The following HS6ST1 variants were observed in gnomAD, a reference collection of about 807,000 sequenced individuals.
The protein encoded by HS6ST1 is heparan sulfate 6-O-sulfotransferase 1.
Under a neutral mutation model 25.2 loss-of-function variants are expected in HS6ST1, and 3 were observed. The observed-to-expected ratio is 0.12, with a 90% CI of 0.05 to 0.31. HS6ST1 has a LOEUF of 0.31. Among genes scored for constraint, HS6ST1 ranks in the 10% least tolerant of loss-of-function variants. The probability of loss-of-function intolerance (pLI) is 1.00; values close to 1 mark genes in which losing one functional copy is unlikely to be tolerated. For missense variants in HS6ST1, 310 were observed against 609.6 expected (o/e 0.51, Z 5.18); for synonymous variants, 204 against 275.1 (o/e 0.74, Z 2.56).
At chr2:128,272,041 C>A (rs1573689024) in intron 1 of HS6ST1, among the ~76,000 whole-genome samples, 2 of 152,212 alleles carry the variant, frequency 1.3e-5, no homozygotes, top group Non-Finnish European at 2.9e-5. Context: ...AAGGCAGGAG[C>A]CTGGTGGTGA....
rs1319567902 is a variant in HS6ST1 at position 128,266,816 on chromosome 2, G to T, written c.*1346C>A. 1 of 152,276 alleles carries T rather than the reference G, an allele frequency of 6.6e-6. No individual in the cohort carries two copies. Among genetic ancestry groups the T allele is most frequent in the African/African-American group, 2.4e-5 (1 of 41,418 alleles). The allele number at this position is 152,276 out of a possible 1,614,324, so 9.4% of individuals were successfully genotyped here. ...TGGCCTCCTAGGGCATAAGGAATGG[G>T]GACAGGGCACAGGGCACGTGCTTAC... On this transcript the variant is annotated 3_prime_UTR_variant, in exon 2 of 2. Transcript: ENST00000259241.
chr2:128,267,140 G>A lies in HS6ST1; in HGVS notation c.*1022C>T, dbSNP rs1002468507. On this transcript the variant is annotated 3_prime_UTR_variant, in exon 2 of 2. Coordinates refer to ENST00000259241, the MANE Select transcript of HS6ST1 (RefSeq NM_004807.3). Reference sequence around the variant, plus strand: ...CTATGGTCCCATGCTCCAGCCGATGGAAGCCTGATGAACTTAATCCGTACG... The same window carrying A: ...CTATGGTCCCATGCTCCAGCCGATGAAAGCCTGATGAACTTAATCCGTACG... 2.6e-5 allele frequency: 4 copies of A among 152,248 alleles called. No individual in the cohort carries two copies. The highest frequency in any genetic ancestry group is 9.6e-5 in the African/African-American group (4 of 41,452). 9.4% of individuals were successfully genotyped at this position (152,248 alleles called of 1,614,324 possible). A position where few individuals can be genotyped will look rare whatever the true frequency, so the allele number is the denominator to read the frequency against.
At chr2:128,271,771 G>A (rs976002066) in intron 1 of HS6ST1, among the ~76,000 whole-genome samples, 15 of 152,364 alleles carry the variant, frequency 9.8e-5, no homozygotes, top group South Asian at 6.2e-4. Context: ...GGGTGGGCAC[G>A]AGGGCCCCGA....
intron 1 of HS6ST1, among the ~76,000 whole-genome samples, chr2:128,276,402 T>C (rs891897977): frequency 2.0e-5 from 3 of 152,122 alleles, no homozygotes; most frequent in Non-Finnish European, 4.4e-5. Flanking sequence ...TCCCAAAGTG[T>C]TGGGATGACA....
At chr2:128,285,692 C>T (rs897919702) in intron 1 of HS6ST1, among the ~76,000 whole-genome samples, 1 of 152,178 alleles carries the variant, frequency 6.6e-6, no homozygotes, top group Non-Finnish European at 1.5e-5. Context: ...CTGACTCCTG[C>T]CTGGGGGTCC....
chr2:128,310,282 C>T (rs944070411), intron 1 of HS6ST1, among the ~76,000 whole-genome samples: 2 of 152,202 alleles, frequency 1.3e-5, no homozygotes, highest in South Asian at 2.1e-4. Flanking sequence ...GAACTTGCGG[C>T]GTGTCACCCC....
intron 1 of HS6ST1, among the ~76,000 whole-genome samples, chr2:128,289,041 G>A (rs1008950950): frequency 2.6e-5 from 4 of 152,162 alleles, no homozygotes; most frequent in African/African-American, 4.8e-5. Flanking sequence ...AGAGGCGGCC[G>A]CGGAGAGATG....
intron 1 of HS6ST1, among the ~76,000 whole-genome samples, chr2:128,311,084 C>T (rs984566534): frequency 6.6e-6 from 1 of 152,166 alleles, no homozygotes; most frequent in Non-Finnish European, 1.5e-5. Flanking sequence ...CCTCTGGCTA[C>T]CACCAGCTCA....
chr2:128,279,497 A>G (rs1270232644), intron 1 of HS6ST1, among the ~76,000 whole-genome samples: 2 of 152,140 alleles, frequency 1.3e-5, no homozygotes, highest in Non-Finnish European at 2.9e-5. Flanking sequence ...GGACAAGGAC[A>G]TGGCGTGGTG....
chr2:128,314,170 C>G (rs1026330825), intron 1 of HS6ST1, among the ~76,000 whole-genome samples: 2 of 151,972 alleles, frequency 1.3e-5, no homozygotes, highest in African/African-American at 4.8e-5. Flanking sequence ...AAGAAGAAAG[C>G]GATTATGAAG....
chr2:128,272,799 A>C (rs552132065), intron 1 of HS6ST1, among the ~76,000 whole-genome samples: 1 of 152,166 alleles, frequency 6.6e-6, no homozygotes, highest in African/African-American at 2.4e-5. Flanking sequence ...TGAGCTGCTG[A>C]AGACAGACAC....
intron 1 of HS6ST1, among the ~76,000 whole-genome samples, chr2:128,316,042 C>T (rs1013877643): frequency 6.6e-6 from 1 of 152,196 alleles, no homozygotes; most frequent in Non-Finnish European, 1.5e-5. Context: ...CCACCTCCGC[C>T]AGAGGCATCT....
At chr2:128,282,653 C>T (rs1693805410) in intron 1 of HS6ST1, among the ~76,000 whole-genome samples, 3 of 152,198 alleles carry the variant, frequency 2.0e-5, no homozygotes, top group African/African-American at 7.2e-5. Flanking sequence ...AGGGTGGGGA[C>T]AAGGCTGCTT....
intron 1 of HS6ST1, among the ~76,000 whole-genome samples, chr2:128,307,935 T>C (rs188813566): frequency 1.2e-3 from 190 of 152,326 alleles, no homozygotes; most frequent in African/African-American, 4.4e-3. Context: ...GAGATCCGTC[T>C]GGACTACCTT....
At chr2:128,281,715 C>T (rs1387444263) in intron 1 of HS6ST1, among the ~76,000 whole-genome samples, 1 of 152,214 alleles carries the variant, frequency 6.6e-6, no homozygotes, top group Admixed American at 6.5e-5. Flanking sequence ...TGAACCTAAT[C>T]CATCTATTCA....
At chr2:128,281,066 G>C (rs1185305472) in intron 1 of HS6ST1, among the ~76,000 whole-genome samples, 2 of 152,256 alleles carry the variant, frequency 1.3e-5, no homozygotes, top group African/African-American at 2.4e-5. Flanking sequence ...GCTGGGCTTG[G>C]AGCTGGGTCA....
At chr2:128,289,035 G>A (rs1386637939) in intron 1 of HS6ST1, among the ~76,000 whole-genome samples, 1 of 152,138 alleles carries the variant, frequency 6.6e-6, no homozygotes, top group African/African-American at 2.4e-5. Flanking sequence ...AAACACAGAG[G>A]CGGCCGCGGA....
chr2:128,298,967 C>T (rs116360526), intron 1 of HS6ST1, among the ~76,000 whole-genome samples: 3,332 of 152,320 alleles, frequency 0.022, 133 homozygotes, highest in African/African-American at 0.077. Context: ...AGGCCTAACC[C>T]ACCCCTCACT....
Position 128,317,962 on chromosome 2 carries a change from C to T in HS6ST1, c.527+75G>A. The stretch of plus-strand genomic sequence containing the variant: ...GGGGGTAGGGAAGGCAGGGCCGACC[C>T]AGTACAGCACGGCGGGCATACGGCC... On this transcript the variant is annotated intron_variant, in intron 1 of 1. Transcript: ENST00000259241. 7.3e-6 allele frequency: 10 copies of T among 1,377,742 alleles called. No homozygotes were observed. In the South Asian group the frequency reaches 1.7e-4, roughly 24 times the overall value. The allele number at this position is 1,377,742 out of a possible 1,614,324, so 85.3% of individuals were successfully genotyped here. A position where few individuals can be genotyped will look rare whatever the true frequency, so the allele number is the denominator to read the frequency against.
Sources: allele counts gnomAD v4.1 joint callset (sites outside exome capture counted in the v4.1 genomes callset), GRCh38; gene constraint gnomAD v4.1.1; transcripts MANE v1.5; gene names NCBI Gene and HGNC (gene_info 2026-07-23, HGNC 2026-07-21).